Variants in FOXP1 observed in about 807,000 individuals in gnomAD.
FOXP1 encodes forkhead box P1, also known as forkhead box protein P1.
Under a neutral mutation model 98.2 loss-of-function variants are expected in FOXP1, and 15 were observed. The observed-to-expected ratio is 0.15, with a 90% CI of 0.10 to 0.24. FOXP1 has a LOEUF of 0.24. Ranked by LOEUF, FOXP1 falls within the 10% of genes least tolerant of loss-of-function variation. FOXP1 has a pLI of 1.00. For missense variants in FOXP1, 633 were observed against 848.5 expected, an observed-to-expected ratio of 0.75 and a Z score of 3.15; for synonymous variants, 371 against 314.5, an observed-to-expected ratio of 1.18 and a Z score of -1.90.
chr3:71,010,588 A>C (rs576157452), intron 12 of FOXP1, among the ~76,000 whole-genome samples: 1 of 152,348 alleles, frequency 6.6e-6, no homozygotes, highest in East Asian at 1.9e-4. Context: ...AGTAACACTT[A>C]AATCAAGGTC....
chr3:71,387,994 T>C (rs980550452), intron 3 of FOXP1, among the ~76,000 whole-genome samples: 9 of 152,248 alleles, frequency 5.9e-5, no homozygotes, highest in Non-Finnish European at 1.2e-4. Flanking sequence ...AGTCTGTTTC[T>C]ATGCATTACC....
intron 14 of FOXP1, among the ~76,000 whole-genome samples, chr3:70,984,940 T>G (rs775504676): frequency 3.9e-4 from 59 of 152,148 alleles, no homozygotes; most frequent in Non-Finnish European, 8.1e-4. Context: ...CTAAGAACGT[T>G]TTAGCAGTTT....
intron 12 of FOXP1, among the ~76,000 whole-genome samples, chr3:71,001,989 A>T (rs1028207404): frequency 2.0e-5 from 3 of 152,222 alleles, no homozygotes; most frequent in Admixed American, 6.5e-5. Context: ...ATGTAAGATA[A>T]AAATAGTTGA....
chr3:71,323,462 C>G (rs993118989), intron 4 of FOXP1, among the ~76,000 whole-genome samples: 2 of 151,956 alleles, frequency 1.3e-5, no homozygotes, highest in Admixed American at 1.3e-4. Context: ...CCTACAAAAC[C>G]AAGAATATGA....
chr3:71,064,737 C>G, intron 7 of FOXP1: 1 of 931,148 alleles, frequency 1.1e-6, no homozygotes. Flanking sequence ...GCTCTCCTGC[C>G]TTCCCCAGCG....
chr3:71,099,570 G>A (rs1325944236), intron 7 of FOXP1, among the ~76,000 whole-genome samples: 2 of 152,084 alleles, frequency 1.3e-5, no homozygotes, highest in African/African-American at 4.8e-5. Flanking sequence ...TTTTTACACA[G>A]GCACTTTTCA....
At chr3:71,348,948 A>G (rs574385058) in intron 4 of FOXP1, among the ~76,000 whole-genome samples, 15 of 152,314 alleles carry the variant, frequency 9.8e-5, no homozygotes, top group African/African-American at 3.6e-4. Context: ...GCCGCAGTCT[A>G]TTTAATAACC....
chr3:71,035,930 A>G (rs551439069), intron 11 of FOXP1, among the ~76,000 whole-genome samples: 88 of 152,362 alleles, frequency 5.8e-4, no homozygotes, highest in African/African-American at 1.9e-3. Context: ...AATTTTAGCA[A>G]GTAAACCAAG....
At chr3:71,574,176 CT>C (rs2047554644) in intron 2 of FOXP1, 1 of 152,148 alleles carries the variant, frequency 6.6e-6, no homozygotes, top group South Asian at 2.1e-4. Context: ...ATCCCCAATG[CT>C]ACCTAAACCT....
intron 4 of FOXP1, among the ~76,000 whole-genome samples, chr3:71,301,284 A>G (rs570980002): frequency 9.8e-5 from 15 of 152,328 alleles, no homozygotes; most frequent in African/African-American, 3.6e-4. Context: ...TATGTCCCCA[A>G]GATTGGTTTC....
At chr3:71,581,391 G>C (rs1389761869) in intron 2 of FOXP1, 158 bp downstream of exon 2, 1 of 985,296 alleles carries the variant, frequency 1.0e-6, no homozygotes, top group South Asian at 4.7e-5. Flanking sequence ...GTATTTCGAA[G>C]CACCTACCGG....
intron 4 of FOXP1, chr3:71,305,689 C>A (rs935497007): frequency 6.6e-6 from 1 of 152,242 alleles, no homozygotes; most frequent in Non-Finnish European, 1.5e-5. Flanking sequence ...GAGCCTTTCT[C>A]TGCGAGTCCA....
chr3:71,514,216 C>T (rs1224347481), intron 2 of FOXP1, among the ~76,000 whole-genome samples: 1 of 152,206 alleles, frequency 6.6e-6, no homozygotes, highest in African/African-American at 2.4e-5. Flanking sequence ...TGCCCCCAAC[C>T]ATAGGGTCTT....
intron 2 of FOXP1, among the ~76,000 whole-genome samples, chr3:71,541,655 C>A (rs1001088403): frequency 1.1e-4 from 16 of 151,880 alleles, no homozygotes; most frequent in African/African-American, 3.9e-4. Flanking sequence ...TGCTGGAATG[C>A]GTATTTCACC....
chr3:71,487,998 G>C (rs1191225424), intron 3 of FOXP1, among the ~76,000 whole-genome samples: 1 of 151,986 alleles, frequency 6.6e-6, no homozygotes, highest in Non-Finnish European at 1.5e-5. Flanking sequence ...GTGAGAAAAG[G>C]CTGTTTTAGA....
At chr3:71,068,408 G>A (rs1404800996) in intron 7 of FOXP1, among the ~76,000 whole-genome samples, 1 of 152,204 alleles carries the variant, frequency 6.6e-6, no homozygotes, top group East Asian at 1.9e-4. Flanking sequence ...GAGTCAGGAG[G>A]AGCGTCTCCT....
At chr3:71,130,750 C>A in intron 6 of FOXP1, 1 of 1,454,202 alleles carries the variant, frequency 6.9e-7, no homozygotes, top group Non-Finnish European at 9.0e-7. Context: ...CACTAAATGA[C>A]AAAGAAACCA....
chr3:71,208,831 T>C (rs1382085094), intron 5 of FOXP1, among the ~76,000 whole-genome samples: 1 of 152,074 alleles, frequency 6.6e-6, no homozygotes, highest in African/African-American at 2.4e-5. Context: ...TCGAGGTAAA[T>C]GCATTACAGA....
intron 3 of FOXP1, among the ~76,000 whole-genome samples, chr3:71,450,392 G>A (rs1324967713): frequency 6.6e-6 from 1 of 152,162 alleles, no homozygotes; most frequent in African/African-American, 2.4e-5. Flanking sequence ...TAACTTCACT[G>A]CAGAATGACA....
Sources: gnomAD v4.1 joint callset for allele counts (sites outside exome capture counted in the v4.1 genomes callset) on GRCh38, gnomAD v4.1.1 for gene constraint, MANE v1.5 for transcripts, NCBI Gene and HGNC (gene_info 2026-07-23, HGNC 2026-07-21) for gene names.